Variants in HOMER2 observed in about 807,000 individuals in gnomAD.
HOMER2 encodes homer protein homolog 2.
Under a neutral mutation model 47.0 loss-of-function variants are expected in HOMER2, and 27 were observed. The ratio of observed to expected loss-of-function variants is 0.57; its 90% CI spans 0.42 to 0.79. HOMER2 has a LOEUF of 0.79. HOMER2 is among the 30% of genes least tolerant of loss of function. The pLI, the probability that HOMER2 is intolerant of heterozygous loss-of-function variation, is 0.00. For missense variants in HOMER2, 443 were observed against 435.0 expected, an observed-to-expected ratio of 1.02 and a Z score of -0.16; for synonymous variants, 161 against 163.8, an observed-to-expected ratio of 0.98 and a Z score of 0.13.
chr15:82,858,904 A>G (rs2051679347), intron 5 of HOMER2, 125 bp downstream of exon 5: 1 of 1,104,420 alleles, frequency 9.1e-7, no homozygotes, highest in Non-Finnish European at 1.3e-6. Context: ...AGGAGACAAG[A>G]GTGGATGCTC....
chr15:82,972,619 T>C (rs993715440), intron 1 of HOMER2, among the ~76,000 whole-genome samples: 4 of 151,906 alleles, frequency 2.6e-5, no homozygotes, highest in African/African-American at 7.2e-5. Context: ...CAGGTGGAGG[T>C]TGCAGTGAGC....
chr15:82,977,439 T>C (rs1056580681), intron 1 of HOMER2, among the ~76,000 whole-genome samples: 5 of 152,238 alleles, frequency 3.3e-5, no homozygotes, highest in Non-Finnish European at 5.9e-5. Flanking sequence ...ATTTGCCAAC[T>C]GCTTAAATTG....
chr15:82,870,208 A>G (rs557982735), intron 3 of HOMER2, among the ~76,000 whole-genome samples: 259 of 152,300 alleles, frequency 1.7e-3, no homozygotes, highest in Non-Finnish European at 2.6e-3. Context: ...CAGAGTCTCA[A>G]GTTTTTCTGG....
chr15:82,892,598 TTA>T (rs2052747944), intron 2 of HOMER2, 85 bp downstream of exon 2: 7 of 1,023,418 alleles, frequency 6.8e-6, no homozygotes, highest in African/African-American at 1.6e-5. Flanking sequence ...TAACAATAAC[TTA>T]TGTGTTAAGA....
At chr15:82,851,070 G>A in intron 8 of HOMER2, 81 bp downstream of exon 8, 1 of 926,784 alleles carries the variant, frequency 1.1e-6, no homozygotes, top group South Asian at 1.5e-5. Context: ...GTGTGAAAGT[G>A]ATAGGAAGCA....
intron 1 of HOMER2, among the ~76,000 whole-genome samples, chr15:82,917,707 C>T (rs1373500643): frequency 1.3e-5 from 2 of 152,170 alleles, no homozygotes; most frequent in East Asian, 3.8e-4. Flanking sequence ...CCATGGTGAG[C>T]TTGCTGTAAA....
chr15:82,930,255 C>T (rs911648737), intron 1 of HOMER2, among the ~76,000 whole-genome samples: 1 of 152,154 alleles, frequency 6.6e-6, no homozygotes, highest in Non-Finnish European at 1.5e-5. Context: ...CTAGTTTATC[C>T]ATAAAATGTG....
intron 2 of HOMER2, among the ~76,000 whole-genome samples, chr15:82,879,946 A>T (rs1487494873): frequency 6.6e-6 from 1 of 152,208 alleles, no homozygotes; most frequent in Non-Finnish European, 1.5e-5. Flanking sequence ...AGGCTAACCA[A>T]ATTGATCAGC....
intron 1 of HOMER2, among the ~76,000 whole-genome samples, chr15:82,982,337 T>G (rs1211175435): frequency 6.6e-6 from 1 of 152,204 alleles, no homozygotes; most frequent in African/African-American, 2.4e-5. Context: ...TTCCCCTTCA[T>G]GAAACAGATT....
chr15:82,906,878 A>G (rs1035384938), intron 1 of HOMER2, among the ~76,000 whole-genome samples: 2 of 152,384 alleles, frequency 1.3e-5, no homozygotes, highest in South Asian at 2.1e-4. Flanking sequence ...AAGGAAAGTT[A>G]TAAGAGAGAA....
chr15:82,903,878 T>C (rs945844690), intron 1 of HOMER2, among the ~76,000 whole-genome samples: 6 of 152,328 alleles, frequency 3.9e-5, no homozygotes, highest in Admixed American at 3.9e-4. Flanking sequence ...GGCTCATGCC[T>C]GTAATCCCAA....
upstream of HOMER2, among the ~76,000 whole-genome samples, chr15:82,954,860 C>A (rs2054571928): frequency 6.6e-6 from 1 of 151,896 alleles, no homozygotes; most frequent in East Asian, 1.9e-4. Context: ...GGCACCACAA[C>A]CTCCGCCTCC....
chr15:82,905,159 C>T (rs2053249650), intron 1 of HOMER2, among the ~76,000 whole-genome samples: 1 of 151,786 alleles, frequency 6.6e-6, no homozygotes, highest in Non-Finnish European at 1.5e-5. Flanking sequence ...CATTAGTAGA[C>T]AGGACAGGGC....
chr15:82,980,257 C>CCATA (rs1247779104), intron 1 of HOMER2, among the ~76,000 whole-genome samples: 1 of 151,974 alleles, frequency 6.6e-6, no homozygotes, highest in African/African-American at 2.4e-5. Flanking sequence ...CAATCAAGAG[C>CCATA]CATACCCCCT....
chr15:82,859,704 A>G (rs1394293350), intron 4 of HOMER2, among the ~76,000 whole-genome samples: 1 of 152,218 alleles, frequency 6.6e-6, no homozygotes, highest in East Asian at 1.9e-4. Context: ...TGTTATGAAT[A>G]TGTTCAAGTG....
At chr15:82,854,197 G>A (rs148805216) in intron 6 of HOMER2, among the ~76,000 whole-genome samples, 3,206 of 152,306 alleles carry the variant, frequency 0.021, 113 homozygotes, top group African/African-American at 0.069. Context: ...CTGAGGCCAG[G>A]AGTTTGAGAC....
At chr15:82,960,859 T>C (rs2054625064) in intron 1 of HOMER2, among the ~76,000 whole-genome samples, 2 of 152,204 alleles carry the variant, frequency 1.3e-5, no homozygotes, top group Admixed American at 1.3e-4. Flanking sequence ...TCTGGAAATC[T>C]GGGGTCCTCA....
intron 1 of HOMER2, among the ~76,000 whole-genome samples, chr15:82,942,992 T>C (rs987125781): frequency 1.3e-5 from 2 of 151,876 alleles, no homozygotes; most frequent in Non-Finnish European, 2.9e-5. Context: ...ACTCAGAGAG[T>C]GCCCAAGGGG....
upstream of HOMER2, among the ~76,000 whole-genome samples, chr15:82,954,445 A>G (rs900040765): frequency 2.0e-5 from 3 of 147,370 alleles, no homozygotes; most frequent in Non-Finnish European, 4.5e-5. Context: ...CTGCAGGCGC[A>G]TGCCACCACG....
Sources: allele counts gnomAD v4.1 joint callset (sites outside exome capture counted in the v4.1 genomes callset), GRCh38; gene constraint gnomAD v4.1.1; transcripts MANE v1.5; gene names NCBI Gene and HGNC (gene_info 2026-07-23, HGNC 2026-07-21).